The following PRDM16 variants were observed in gnomAD, a reference collection of about 807,000 sequenced individuals.
PRDM16 encodes PR/SET domain 16.
Under a neutral mutation model 110.6 loss-of-function variants are expected in PRDM16, and 23 were observed. That is an observed-to-expected ratio of 0.21 (90% CI 0.15 to 0.29). The LOEUF (loss-of-function observed/expected upper bound fraction) is 0.29, where lower values mean the gene tolerates loss of function less well. Ranked by LOEUF, PRDM16 falls within the 10% of genes least tolerant of loss-of-function variation. PRDM16 has a pLI of 1.00. For missense variants in PRDM16, 1,615 were observed against 1,794.3 expected (o/e 0.90, Z 1.81); for synonymous variants, 799 against 781.8 (o/e 1.02, Z -0.37).
intron 3 of PRDM16, among the ~76,000 whole-genome samples, chr1:3,338,806 T>A (rs1437856552): frequency 6.6e-6 from 1 of 152,216 alleles, no homozygotes. Context: ...CAGGACACAC[T>A]GTGGACACAC....
At chr1:3,142,485 C>G (rs1029642076) in intron 1 of PRDM16, among the ~76,000 whole-genome samples, 2 of 152,098 alleles carry the variant, frequency 1.3e-5, no homozygotes, top group Admixed American at 1.3e-4. Context: ...GCTCCTTGGT[C>G]TCGGGGCAGG....
At chr1:3,272,449 G>A (rs1640477421) in intron 3 of PRDM16, among the ~76,000 whole-genome samples, 1 of 152,162 alleles carries the variant, frequency 6.6e-6, no homozygotes, top group Non-Finnish European at 1.5e-5. Context: ...TCTGTCCTGG[G>A]CACGGCGGCT....
intron 3 of PRDM16, among the ~76,000 whole-genome samples, chr1:3,321,017 G>A (rs944755284): frequency 3.3e-5 from 5 of 152,236 alleles, no homozygotes; most frequent in Non-Finnish European, 7.3e-5. Flanking sequence ...CCTGACTCGT[G>A]TCCTCTGCGA....
rs1213360736 is a variant in PRDM16, at chr1:3,426,234, A to G, written c.3284+9A>G. On this transcript the variant is annotated intron_variant, in intron 14 of 16. Transcript: ENST00000270722. The stretch of plus-strand genomic sequence containing the variant: ...ACGCGAACAGAGAAACGGTAAGAAA[A>G]CTATCGCGGGCTGGGGAAAGTCTGG... 6.2e-7 allele frequency: 1 copy of G among 1,610,796 alleles called. No individual in the cohort carries two copies. Among genetic ancestry groups the G allele is most frequent in the East Asian group, 2.2e-5 (1 of 44,818 alleles).
intron 3 of PRDM16, among the ~76,000 whole-genome samples, chr1:3,262,316 A>G (rs917272601): frequency 6.6e-6 from 1 of 152,194 alleles, no homozygotes; most frequent in Admixed American, 6.5e-5. Context: ...GGGACTCCAC[A>G]TTATTCTGGT....
At chr1:3,253,508 T>C (rs1639985968) in intron 3 of PRDM16, among the ~76,000 whole-genome samples, 1 of 151,870 alleles carries the variant, frequency 6.6e-6, no homozygotes, top group Non-Finnish European at 1.5e-5. Context: ...GATTTCCAAT[T>C]TCATCCATGT....
chr1:3,146,521 T>C (rs1227579806), intron 1 of PRDM16, among the ~76,000 whole-genome samples: 1 of 147,428 alleles, frequency 6.8e-6, no homozygotes. Context: ...GTGTGCTCGG[T>C]GTGGGGTGTG....
chr1:3,128,525 A>G (rs1190975667), intron 1 of PRDM16, among the ~76,000 whole-genome samples: 5 of 151,702 alleles, frequency 3.3e-5, no homozygotes, highest in Non-Finnish European at 7.4e-5. Flanking sequence ...CAGTGGCTCC[A>G]TTTTCTCCCA....
chr1:3,376,989 G>T (rs542345788), intron 3 of PRDM16, among the ~76,000 whole-genome samples: 1 of 152,208 alleles, frequency 6.6e-6, no homozygotes, highest in African/African-American at 2.4e-5. Flanking sequence ...TTTCCAGAAC[G>T]CCTTTCCCCC....
At chr1:3,170,203 G>A (rs1283512226) in intron 1 of PRDM16, among the ~76,000 whole-genome samples, 3 of 152,254 alleles carry the variant, frequency 2.0e-5, no homozygotes, top group Middle Eastern at 3.2e-3. Context: ...CGGCCAGGGG[G>A]CCAGGGTGGC....
intron 3 of PRDM16, among the ~76,000 whole-genome samples, chr1:3,371,629 C>A (rs1642910694): frequency 6.6e-6 from 1 of 152,226 alleles, no homozygotes; most frequent in African/African-American, 2.4e-5. Flanking sequence ...TCAGTGAGCC[C>A]TGACTGAACA....
chr1:3,324,834 G>A (rs140999582), intron 3 of PRDM16, among the ~76,000 whole-genome samples: 6 of 152,016 alleles, frequency 3.9e-5, no homozygotes, highest in African/African-American at 1.2e-4. Flanking sequence ...GCGGGTCGTG[G>A]GCAGCACATC....
intron 1 of PRDM16, among the ~76,000 whole-genome samples, chr1:3,156,921 C>T (rs756856215): frequency 3.9e-5 from 6 of 152,212 alleles, no homozygotes; most frequent in Non-Finnish European, 7.3e-5. Context: ...CCAGCTGCCT[C>T]GGTGGGGACA....
intron 1 of PRDM16, among the ~76,000 whole-genome samples, chr1:3,119,959 G>A (rs1490472121): frequency 6.6e-6 from 1 of 152,164 alleles, no homozygotes; most frequent in East Asian, 1.9e-4. Flanking sequence ...CTTGGAGGGG[G>A]GAGAGAGGAA....
At chr1:3,149,946 A>T (rs75427481) in intron 1 of PRDM16, among the ~76,000 whole-genome samples, 1,946 of 152,278 alleles carry the variant, frequency 0.013, 78 homozygotes, top group East Asian at 0.11. Flanking sequence ...TCAAGGAGGC[A>T]GGAGCCCCGG....
At chr1:3,397,435 C>G (rs1290820871) in intron 5 of PRDM16, among the ~76,000 whole-genome samples, 6 of 152,266 alleles carry the variant, frequency 3.9e-5, no homozygotes, top group African/African-American at 1.4e-4. Flanking sequence ...CAGATACAGG[C>G]TCATTCCTGC....
In PRDM16 at chr1:3,148,430, G is replaced by A. The variant is rs1479255995; in HGVS notation, c.38-37695G>A. On this transcript the variant is annotated intron_variant, in intron 1 of 16. Coordinates refer to ENST00000270722, the MANE Select transcript of PRDM16 (RefSeq NM_022114.4). This position sits in a 1 kb window ranked among gnomAD's most constrained non-coding sequence, Gnocchi z 5.0. ...AGGAGCTGTCCGGCAGGGCTGGGCT[G>A]GGCTGGGTGTCAGGCATTGGGTGCA... Among the ~76,000 whole-genome samples the A allele has an allele frequency of 6.6e-6, 1 of 152,158 alleles. No individual in the cohort carries two copies. Among genetic ancestry groups the A allele is most frequent in the African/African-American group, 2.4e-5 (1 of 41,432 alleles).
chr1:3,097,439 C>G (rs970489981), intron 1 of PRDM16, among the ~76,000 whole-genome samples: 17 of 152,244 alleles, frequency 1.1e-4, no homozygotes, highest in African/African-American at 3.9e-4. Flanking sequence ...GCCCCGTGCC[C>G]TGACCTGGCG....
intron 1 of PRDM16, among the ~76,000 whole-genome samples, chr1:3,117,426 G>A (rs1433670731): frequency 6.6e-6 from 1 of 152,128 alleles, no homozygotes; most frequent in African/African-American, 2.4e-5. Flanking sequence ...AGAACGCAGG[G>A]GGAAGGAACA....
Sources: gnomAD v4.1 joint callset for allele counts (sites outside exome capture counted in the v4.1 genomes callset) on GRCh38, gnomAD v4.1.1 for gene constraint, Gnocchi (gnomAD v3.1) non-coding constraint, MANE v1.5 for transcripts, NCBI Gene and HGNC (gene_info 2026-07-23, HGNC 2026-07-21) for gene names.